ADRA1A: variants seen among roughly 807,000 people sequenced by gnomAD.
ADRA1A encodes the protein alpha-1A adrenergic receptor.
Under a neutral mutation model 29.6 loss-of-function variants are expected in ADRA1A, and 31 were observed. The ratio of observed to expected loss-of-function variants is 1.05; its 90% confidence interval spans 0.79 to 1.41. ADRA1A has a LOEUF of 1.41. Among genes scored for constraint, ADRA1A ranks in the 40% most tolerant of loss-of-function variants. The pLI is 0.00. For synonymous variants in ADRA1A, 311 were observed against 254.3 expected, an observed-to-expected ratio of 1.22 and a Z score of -2.12; for missense variants, 619 against 601.1, an observed-to-expected ratio of 1.03 and a Z score of -0.31.
In ADRA1A at chr8:26,866,654, A is replaced by C. The variant is rs749619516; in HGVS notation, c.-687+282T>G. Among the ~76,000 whole-genome samples the C allele has an allele frequency of 6.6e-5, 10 of 152,130 alleles. No individual in the cohort carries two copies. The highest frequency in any genetic ancestry group is 1.3e-4 in the Non-Finnish European group (9 of 68,016). On this transcript the variant is annotated intron_variant, in intron 1 of 2. Transcript: ENST00000380573. This position sits in a 1 kb window ranked among gnomAD's most constrained non-coding sequence, Gnocchi z 5.7. ...GGCAAAGACTCTTGTTAAAATCGCA[A>C]GTTGGAGACCTCACAGGTGGTATTA...
chr8:26,820,749 A>G (rs1810107449), intron 2 of ADRA1A, among the ~76,000 whole-genome samples: 1 of 152,230 alleles, frequency 6.6e-6, no homozygotes, highest in Non-Finnish European at 1.5e-5. Flanking sequence ...TGCAGCTTCT[A>G]TAGGTAATGA....
chr8:26,786,162 C>T (rs184791918), intron 2 of ADRA1A, among the ~76,000 whole-genome samples: 10 of 152,312 alleles, frequency 6.6e-5, no homozygotes, highest in South Asian at 4.1e-4. Context: ...TCTTGCCTTC[C>T]GCTCCTGGCC....
intron 2 of ADRA1A, among the ~76,000 whole-genome samples, chr8:26,835,036 C>G (rs895024303): frequency 6.6e-6 from 1 of 152,128 alleles, no homozygotes; most frequent in African/African-American, 2.4e-5. Flanking sequence ...CAAGCAAATA[C>G]AAGCCCCTAT....
chr8:26,804,975 A>C (rs1431411436), intron 2 of ADRA1A, among the ~76,000 whole-genome samples: 1 of 152,206 alleles, frequency 6.6e-6, no homozygotes, highest in Non-Finnish European at 1.5e-5. Context: ...TCTCTCTCTC[A>C]CATGCATACA....
intron 2 of ADRA1A, among the ~76,000 whole-genome samples, chr8:26,774,471 C>G (rs1203218563): frequency 6.6e-6 from 1 of 152,154 alleles, no homozygotes; most frequent in African/African-American, 2.4e-5. Context: ...GAGTTTGAGA[C>G]CAGCCTGGGC....
intron 2 of ADRA1A, among the ~76,000 whole-genome samples, chr8:26,853,490 C>T (rs1812781326): frequency 6.6e-6 from 1 of 152,172 alleles, no homozygotes; most frequent in Admixed American, 6.5e-5. Flanking sequence ...TATGCAACCA[C>T]AGCCATTAAA....
intron 2 of ADRA1A, among the ~76,000 whole-genome samples, chr8:26,812,594 C>A (rs1809468857): frequency 6.6e-6 from 1 of 151,452 alleles, no homozygotes; most frequent in South Asian, 2.1e-4. Flanking sequence ...GAAGCCAGTT[C>A]TTAATACATC....
chr8:26,792,865 A>C (rs1021303747), intron 2 of ADRA1A, among the ~76,000 whole-genome samples: 1 of 150,922 alleles, frequency 6.6e-6, no homozygotes, highest in Non-Finnish European at 1.5e-5. Flanking sequence ...AAGTATGAAC[A>C]TGTTCAAATA....
At position 26,865,175 on chromosome 8, in the gene ADRA1A, C is replaced by T. The variant is rs1022786864; in HGVS notation, c.-206G>A. 1.5e-5 allele frequency: 22 copies of T among 1,420,008 alleles called. No homozygotes were observed. In the East Asian group the frequency reaches 4.9e-4, roughly 32 times the overall value. The allele number at this position is 1,420,008 out of a possible 1,614,324, so 88.0% of individuals were successfully genotyped here. A position where few individuals can be genotyped will look rare whatever the true frequency, so the allele number is the denominator to read the frequency against. On this transcript the variant is annotated 5_prime_UTR_variant, in exon 2 of 3. Transcript: ENST00000380573. This position sits in a 1 kb window ranked among gnomAD's most constrained non-coding sequence, Gnocchi z 7.6. ...ACCCTCAGAAGGCCACATGAAGGGG[C>T]AGGGCATTAAAGACATGGCCAGGGG...
At chr8:26,765,761 G>T, downstream of ADRA1A, 1 of 1,167,778 alleles carries the variant, frequency 8.6e-7, no homozygotes, top group South Asian at 3.3e-5. Flanking sequence ...TTCACACACA[G>T]AGGCAGCATC....
chr8:26,859,458 C>T (rs1243501195), intron 2 of ADRA1A, among the ~76,000 whole-genome samples: 2 of 152,144 alleles, frequency 1.3e-5, no homozygotes, highest in East Asian at 3.9e-4. Flanking sequence ...TCCTGAGCAC[C>T]ATGTAATAAT....
chr8:26,755,345 C>T (rs1805112651), downstream of ADRA1A, among the ~76,000 whole-genome samples: 2 of 152,136 alleles, frequency 1.3e-5, no homozygotes, highest in African/African-American at 2.4e-5. Context: ...GGACTCATCC[C>T]TGACTGACTG....
intron 2 of ADRA1A, among the ~76,000 whole-genome samples, chr8:26,846,335 C>T (rs773570466): frequency 3.0e-4 from 46 of 152,204 alleles, no homozygotes; most frequent in Non-Finnish European, 6.2e-4. Context: ...GTTTGTTAAT[C>T]TTGGCACTAT....
At chr8:26,829,198 C>T (rs1237792143) in intron 2 of ADRA1A, among the ~76,000 whole-genome samples, 1 of 152,020 alleles carries the variant, frequency 6.6e-6, no homozygotes, top group Non-Finnish European at 1.5e-5. Flanking sequence ...CACCTAATGC[C>T]AAAGCCAGGG....
intron 2 of ADRA1A, among the ~76,000 whole-genome samples, chr8:26,827,685 TGCCCAGTCTTGG>T (rs925599025): frequency 7.2e-5 from 11 of 152,256 alleles, no homozygotes; most frequent in African/African-American, 2.6e-4. Context: ...GCAACAGGAA[TGCCCAGTCTTGG>T]GCTTTTTCCA....
Position 26,776,935 on chromosome 8 carries a change from A to G in ADRA1A, c.884-6269T>C, listed in dbSNP as rs939306275. 5.9e-5 allele frequency among the ~76,000 whole-genome samples: 9 copies of G among 152,206 alleles called. No homozygotes were observed. The South Asian group carries it at 6.2e-4, about 11-fold the overall frequency. ...CTCCGATGTGCCTGGTACACATCCAATGAGCAGAGGAGAGAGACAGGCTGC... is the reference window on the plus strand; with the variant it reads ...CTCCGATGTGCCTGGTACACATCCAGTGAGCAGAGGAGAGAGACAGGCTGC... On this transcript the variant is annotated intron_variant, in intron 2 of 2. Coordinates refer to ENST00000380573, the MANE Select transcript of ADRA1A (RefSeq NM_000680.4).
rs1439059449 is a variant in ADRA1A at position 26,860,990 on chromosome 8, C to T, written c.883+3097G>A. On this transcript the variant is annotated intron_variant, in intron 2 of 2. Coordinates refer to ENST00000380573, the MANE Select transcript of ADRA1A (RefSeq NM_000680.4). This position sits in a 1 kb window ranked among gnomAD's most constrained non-coding sequence, Gnocchi z 4.7. The stretch of plus-strand genomic sequence containing the variant: ...TTTCCCTGTTCCCACTTTTTTTATC[C>T]TTTGTTCTTTCTAGAAAGTACACAA... Among the ~76,000 whole-genome samples, 3 of 152,132 alleles carry T rather than the reference C, an allele frequency of 2.0e-5. No homozygotes were observed. The highest frequency in any genetic ancestry group is 1.9e-4 in the East Asian group (1 of 5,186).
At chr8:26,820,991 G>A (rs1810131533) in intron 2 of ADRA1A, among the ~76,000 whole-genome samples, 3 of 152,054 alleles carry the variant, frequency 2.0e-5, no homozygotes, top group Non-Finnish European at 2.9e-5. Context: ...CTGGGTTCAA[G>A]CGATTCTCCT....
chr8:26,776,200 GTAGGAACTGAGTTCTCGAA>G (rs1806536189), intron 2 of ADRA1A, among the ~76,000 whole-genome samples: 1 of 152,224 alleles, frequency 6.6e-6, no homozygotes, highest in Admixed American at 6.5e-5. Context: ...GTTGGTGAGA[GTAGGAACTGAGTTCTCGAA>G]TTCCTATCCA....
Sources: allele counts gnomAD v4.1 joint callset (sites outside exome capture counted in the v4.1 genomes callset), GRCh38; gene constraint gnomAD v4.1.1; non-coding constraint Gnocchi (gnomAD v3.1); transcripts MANE v1.5; gene names NCBI Gene and HGNC (gene_info 2026-07-23, HGNC 2026-07-21).